The following SYT14 variants were observed in gnomAD, a reference collection of about 807,000 sequenced individuals.
The protein encoded by SYT14 is synaptotagmin 14.
A neutral mutation model predicts 74.2 loss-of-function variants in SYT14; 32 were observed. The ratio of observed to expected loss-of-function variants is 0.43; its 90% CI spans 0.33 to 0.58. The LOEUF (loss-of-function observed/expected upper bound fraction) is 0.58, where lower values mean the gene tolerates loss of function less well. Ranked by LOEUF, SYT14 falls within the 20% of genes least tolerant of loss-of-function variation. The probability of loss-of-function intolerance (pLI) is 0.05; values close to 1 mark genes in which losing one functional copy is unlikely to be tolerated. For synonymous variants in SYT14, 298 were observed against 337.7 expected, an observed-to-expected ratio of 0.88 and a Z score of 1.29; for missense variants, 791 against 981.8, an observed-to-expected ratio of 0.81 and a Z score of 2.60.
chr1:210,071,924 T>C lies in SYT14; in HGVS notation c.1313-22398T>C, dbSNP rs565614609. Among the ~76,000 whole-genome samples, 51 of 151,998 alleles carry C rather than the reference T, an allele frequency of 3.4e-4. 1 individual carries two copies. The highest frequency in any genetic ancestry group is 2.4e-3 in the Admixed American group (37 of 15,270). ...ATAATATGAATGTTCCTATGAGATA[T>C]TGTCTTTCATATAATTAGAAGTTTT... On this transcript the variant is annotated intron_variant, in intron 5 of 9. Coordinates refer to ENST00000637265, the Ensembl canonical transcript of SYT14.
intron 7 of SYT14, among the ~76,000 whole-genome samples, chr1:210,116,694 A>T (rs1357774929): frequency 6.6e-6 from 1 of 152,168 alleles, no homozygotes; most frequent in Non-Finnish European, 1.5e-5. Context: ...CACTTGGAGA[A>T]GAGAGACTGT....
intron 5 of SYT14, among the ~76,000 whole-genome samples, chr1:210,027,439 A>G (rs2080438304): frequency 6.6e-6 from 1 of 151,874 alleles, no homozygotes; most frequent in Admixed American, 6.6e-5. Context: ...GTCATAAGGA[A>G]AAGAAAATAA....
At chr1:210,156,651 C>A (rs947212919) in intron 8 of SYT14, among the ~76,000 whole-genome samples, 21 of 146,892 alleles carry the variant, frequency 1.4e-4, no homozygotes, top group Admixed American at 1.2e-3. Flanking sequence ...ATGTTGGTAC[C>A]TAAAAGAGGT....
intron 2 of SYT14, among the ~76,000 whole-genome samples, chr1:209,990,527 A>ATATATATATACGTATATATATACG (rs1553262321): frequency 7.8e-5 from 1 of 12,818 alleles, no homozygotes; most frequent in African/African-American, 3.1e-4. Context: ...TATTTCACAT[A>ATATATATATACGTATATATATACG]TATATATATA....
chr1:210,005,885 T>C (rs2079979953), intron 2 of SYT14, among the ~76,000 whole-genome samples: 1 of 151,968 alleles, frequency 6.6e-6, no homozygotes, highest in Non-Finnish European at 1.5e-5. Flanking sequence ...TTCTTTTTTT[T>C]CTAATTTCTT....
chr1:210,074,691 T>C (rs1238021087), intron 5 of SYT14, among the ~76,000 whole-genome samples: 4 of 152,262 alleles, frequency 2.6e-5, no homozygotes, highest in Non-Finnish European at 5.9e-5. Flanking sequence ...TGGGAAAAGT[T>C]CCCTTGTCCC....
intron 7 of SYT14, among the ~76,000 whole-genome samples, chr1:210,142,713 G>C (rs1356174608): frequency 6.6e-6 from 1 of 152,180 alleles, no homozygotes; most frequent in South Asian, 2.1e-4. Flanking sequence ...AGGATGACCT[G>C]ATTGAGCATA....
intron 5 of SYT14, among the ~76,000 whole-genome samples, chr1:210,039,313 A>T (rs1048542314): frequency 2.0e-5 from 3 of 152,112 alleles, no homozygotes; most frequent in Admixed American, 2.0e-4. Context: ...GCCAAGAGCT[A>T]TAAAAGATGC....
At chr1:209,970,272 C>A (rs535870513) in intron 2 of SYT14, among the ~76,000 whole-genome samples, 6 of 152,184 alleles carry the variant, frequency 3.9e-5, no homozygotes, top group African/African-American at 1.4e-4. Flanking sequence ...CAGTTTCATT[C>A]CACATATAGT....
chr1:210,094,764 C>T (rs990493288), intron 6 of SYT14, among the ~76,000 whole-genome samples, 171 bp downstream of exon 5: 9 of 152,054 alleles, frequency 5.9e-5, no homozygotes, highest in African/African-American at 1.9e-4. Flanking sequence ...CAGGAATGTC[C>T]CAACTAGTCT....
intron 7 of SYT14, among the ~76,000 whole-genome samples, chr1:210,131,814 C>T (rs1233084818): frequency 1.3e-5 from 2 of 152,106 alleles, no homozygotes; most frequent in African/African-American, 4.8e-5. Flanking sequence ...TCCATATAAA[C>T]ATATTCATTC....
chr1:210,016,177 G>C (rs1447846426), exon 4 of SYT14: 1 of 1,231,938 alleles, frequency 8.1e-7, no homozygotes, highest in Non-Finnish European at 1.0e-6. Context: ...GCCCAGAAGA[G>C]GAAAGCTCTG....
At chr1:210,163,079 T>C (rs1008102930) in exon 10 of SYT14, 1 of 453,462 alleles carries the variant, frequency 2.2e-6, no homozygotes, top group South Asian at 1.6e-5. Context: ...GAAGCTATAA[T>C]GAACTTTTTA....
intron 5 of SYT14, among the ~76,000 whole-genome samples, chr1:210,068,104 G>T (rs1269415954): frequency 1.3e-5 from 2 of 151,738 alleles, no homozygotes; most frequent in Non-Finnish European, 3.0e-5. Flanking sequence ...TTGAATTAAG[G>T]AAATTCCCTT....
chr1:210,143,850 C>T (rs544025427), intron 7 of SYT14, among the ~76,000 whole-genome samples: 5 of 152,088 alleles, frequency 3.3e-5, no homozygotes, highest in Admixed American at 6.5e-5. Flanking sequence ...ACTAACAAAT[C>T]TTATTTTATA....
At chr1:210,026,055 A>G (rs1284314552) in intron 5 of SYT14, among the ~76,000 whole-genome samples, 1 of 151,944 alleles carries the variant, frequency 6.6e-6, no homozygotes, top group African/African-American at 2.4e-5. Flanking sequence ...ATATTTGTTG[A>G]TCATGTTTTC....
chr1:210,050,034 T>C (rs1558153710), intron 5 of SYT14, among the ~76,000 whole-genome samples: 1 of 152,222 alleles, frequency 6.6e-6, no homozygotes, highest in Non-Finnish European at 1.5e-5. Context: ...CATGCAAATT[T>C]CTACAGCTGG....
chr1:210,120,812 C>T (rs1481545035), intron 7 of SYT14, among the ~76,000 whole-genome samples: 6 of 152,042 alleles, frequency 3.9e-5, no homozygotes, highest in Admixed American at 3.3e-4. Context: ...AGTTTACTTT[C>T]GGTGGTATAT....
intron 5 of SYT14, among the ~76,000 whole-genome samples, chr1:210,045,443 C>G (rs2080867168): frequency 6.6e-6 from 1 of 152,126 alleles, no homozygotes; most frequent in South Asian, 2.1e-4. Context: ...TAATGGAGGA[C>G]ATATTCTTTT....
Sources: gnomAD v4.1 joint callset for allele counts (sites outside exome capture counted in the v4.1 genomes callset) on GRCh38, gnomAD v4.1.1 for gene constraint, MANE v1.5 for transcripts, NCBI Gene and HGNC (gene_info 2026-07-23, HGNC 2026-07-21) for gene names.